The following ACADL variants were observed in gnomAD, a reference collection of about 807,000 sequenced individuals.
ACADL encodes long-chain specific acyl-CoA dehydrogenase, mitochondrial.
Under a neutral mutation model 56.9 loss-of-function variants are expected in ACADL, and 60 were observed. The ratio of observed to expected loss-of-function variants is 1.05; its 90% CI spans 0.86 to 1.31. The LOEUF (loss-of-function observed/expected upper bound fraction) is 1.31. Ranked by LOEUF, ACADL falls within the 50% of genes most tolerant of loss-of-function variation. The pLI, the probability that ACADL is intolerant of heterozygous loss-of-function variation, is 0.00. For missense variants in ACADL, 484 were observed against 525.5 expected, an observed-to-expected ratio of 0.92 and a Z score of 0.77; for synonymous variants, 158 against 179.7, an observed-to-expected ratio of 0.88 and a Z score of 0.97.
intron 5 of ACADL, among the ~76,000 whole-genome samples, chr2:210,208,169 G>A (rs985010294): frequency 2.6e-5 from 4 of 152,120 alleles, no homozygotes; most frequent in Non-Finnish European, 4.4e-5. Flanking sequence ...TCTACAGTAT[G>A]CTCTCAAATG....
rs1352334120 is a variant in ACADL at position 210,188,316 on chromosome 2, T to G, written c.*645A>C. On this transcript the variant is annotated 3_prime_UTR_variant, in exon 11 of 11. Transcript: ENST00000233710. ...TCAGCAATTGACAGAACCAAGGCAT[T>G]CCCTGGTCAGGGTTAGGCAAATACT... 6.6e-6 allele frequency: 1 copy of G among 152,372 alleles called. No individual in the cohort carries two copies. Among genetic ancestry groups the G allele is most frequent in the Non-Finnish European group, 1.5e-5 (1 of 68,160 alleles). The allele number at this position is 152,372 out of a possible 1,614,324, so 9.4% of individuals were successfully genotyped here.
At chr2:210,220,580 G>T in intron 2 of ACADL, 67 bp downstream of exon 2, 2 of 1,436,796 alleles carry the variant, frequency 1.4e-6, no homozygotes, top group Non-Finnish European at 2.0e-6. Context: ...GCAATATATG[G>T]CATTCTAGGA....
chr2:210,192,208 C>T (rs1484598350), intron 10 of ACADL, among the ~76,000 whole-genome samples: 4 of 150,558 alleles, frequency 2.7e-5, no homozygotes, highest in African/African-American at 7.3e-5. Context: ...AGTATTTGGC[C>T]GGATGCAGTG....
intron 8 of ACADL, among the ~76,000 whole-genome samples, chr2:210,199,631 A>C (rs1559634784): frequency 6.6e-6 from 1 of 152,114 alleles, no homozygotes; most frequent in Non-Finnish European, 1.5e-5. Context: ...TCTAGTATTA[A>C]GTTCATAAAC....
chr2:210,188,990 T>C lies in ACADL; in HGVS notation c.1264A>G (p.Ile422Val). 1 of 1,613,426 alleles carries C rather than the reference T, an allele frequency of 6.2e-7. No individual in the cohort carries two copies. The highest frequency in any genetic ancestry group is 8.5e-7 in the Non-Finnish European group (1 of 1,179,530). Residue 422 changes from isoleucine to valine, a missense_variant, in exon 11 of 11, where the codon ATT becomes GTT. Transcript: ENST00000233710. Reference sequence around the variant, plus strand: ...TTGTCAAAGACAATCTCTCTTGCAATCAGCTCCTTCATTATTTCATTTGTA... The same window carrying C: ...TTGTCAAAGACAATCTCTCTTGCAACCAGCTCCTTCATTATTTCATTTGTA... ...GGTNEIMKEL[I>V]AREIVFDK
chr2:210,210,431 T>A (rs1688959989), intron 4 of ACADL, among the ~76,000 whole-genome samples, 169 bp from the exon 5 acceptor site: 1 of 152,334 alleles, frequency 6.6e-6, no homozygotes, highest in South Asian at 2.1e-4. Flanking sequence ...GCTGATCTAT[T>A]ATATTCTAAA....
At position 210,204,664 on chromosome 2, in the gene ACADL, A is replaced by G; in HGVS notation, c.787T>C (p.Phe263Leu). 6.8e-6 allele frequency: 11 copies of G among 1,611,298 alleles called. No individual in the cohort carries two copies. Among genetic ancestry groups the G allele is most frequent in the Non-Finnish European group, 9.3e-6 (11 of 1,177,610 alleles). ...LKAQDTAELF[F>L]EDIRLPASAL... is the part of the protein sequence containing the mutation. ...CTAGCTGGCAACCGTATATCTTCAAAGAATAGTTCTGCGGTATCCTAAGAG... is the reference window on the plus strand; with the variant it reads ...CTAGCTGGCAACCGTATATCTTCAAGGAATAGTTCTGCGGTATCCTAAGAG... Residue 263 changes from phenylalanine (F) to leucine (L), a missense_variant, in exon 7 of 11, where the codon TTT (phenylalanine) becomes CTT (leucine). Phe to Leu is a conservative substitution (Grantham distance 22, BLOSUM62 0). Transcript: ENST00000233710.
In ACADL at chr2:210,225,235, AG is replaced by A; in HGVS notation, c.28del (p.Leu10TyrfsTer27). MAARLLRGS[L>X]RVLGGHRAPR... Reference sequence around the variant, plus strand: ...CGCACGGTGGCCGCCCAGGACGCGTAGGGACCCTCGGAGAAGGCGTGCGGCC... The same window carrying A: ...CGCACGGTGGCCGCCCAGGACGCGTAGGACCCTCGGAGAAGGCGTGCGGCC... On this transcript the variant is annotated frameshift_variant, in exon 1 of 11. Coordinates refer to ENST00000233710, the MANE Select transcript of ACADL (RefSeq NM_001608.4). LOFTEE classifies it high-confidence loss of function. The A allele has an allele frequency of 1.3e-6, 2 of 1,556,438 alleles. No individual in the cohort carries two copies.
chr2:210,208,039 A>G (rs1688917469), intron 5 of ACADL, among the ~76,000 whole-genome samples: 1 of 152,188 alleles, frequency 6.6e-6, no homozygotes, highest in Non-Finnish European at 1.5e-5. Context: ...CAAAAACCTT[A>G]TAAGTCTACC....
At chr2:210,191,750 A>C (rs1299697201) in intron 10 of ACADL, among the ~76,000 whole-genome samples, 2 of 152,158 alleles carry the variant, frequency 1.3e-5, no homozygotes, top group Non-Finnish European at 2.9e-5. Context: ...TAGCATTCTT[A>C]CTCTCAGATT....
At chr2:210,192,363 C>A (rs968166932) in intron 10 of ACADL, among the ~76,000 whole-genome samples, 3 of 151,868 alleles carry the variant, frequency 2.0e-5, no homozygotes, top group Admixed American at 6.6e-5. Context: ...ATGGCACGCA[C>A]CTGTTAATTC....
Position 210,225,301 on chromosome 2 carries a change from T to G in ACADL, c.-38A>C, listed in dbSNP as rs543229962. The G allele has an allele frequency of 8.5e-6, 13 of 1,536,338 alleles. No individual in the cohort carries two copies. The African/African-American group carries it at 1.5e-4, about 18-fold the overall frequency. On this transcript the variant is annotated 5_prime_UTR_variant, in exon 1 of 11. Transcript: ENST00000233710. ...GGGGCGGCGGGGCGACGGAGGCGACTCTGCGGCTACTCGGCGACTCGGGGC... is the reference window on the plus strand; with the variant it reads ...GGGGCGGCGGGGCGACGGAGGCGACGCTGCGGCTACTCGGCGACTCGGGGC...
At chr2:210,194,239 A>G (rs1355181164) in intron 9 of ACADL, among the ~76,000 whole-genome samples, 1 of 152,202 alleles carries the variant, frequency 6.6e-6, no homozygotes, top group African/African-American at 2.4e-5. Flanking sequence ...AAGTCTCCTC[A>G]AAAGTGCAAG....
intron 4 of ACADL, among the ~76,000 whole-genome samples, chr2:210,212,405 C>T (rs552417579): frequency 6.6e-5 from 10 of 152,026 alleles, no homozygotes; most frequent in African/African-American, 1.7e-4. Context: ...ACTGCAGTGA[C>T]GAGGCAACAA....
intron 4 of ACADL, among the ~76,000 whole-genome samples, chr2:210,213,343 T>C (rs1689020266): frequency 6.6e-6 from 1 of 151,882 alleles, no homozygotes; most frequent in African/African-American, 2.4e-5. Flanking sequence ...CTACTACAAA[T>C]ACAAAAATTA....
Position 210,208,579 on chromosome 2 carries a change from T to C in ACADL, c.603+1617A>G, listed in dbSNP as rs191360273. ...TAAATGCTTATAAAATAACAGAAAA[T>C]CATTGCAGATATTGTATAGAGAATG... On this transcript the variant is annotated intron_variant, in intron 5 of 10. Transcript: ENST00000233710. 2.2e-4 allele frequency among the ~76,000 whole-genome samples: 33 copies of C among 152,116 alleles called. No individual in the cohort carries two copies. In the East Asian group the frequency reaches 6.2e-3, roughly 28 times the overall value.
At chr2:210,190,111 T>C (rs1688608289) in intron 10 of ACADL, among the ~76,000 whole-genome samples, 1 of 152,152 alleles carries the variant, frequency 6.6e-6, no homozygotes, top group Admixed American at 6.6e-5. Context: ...GTGCCAGCTC[T>C]CTAGGAACAT....
chr2:210,215,417 A>G (rs571103853), intron 4 of ACADL, among the ~76,000 whole-genome samples: 3 of 152,202 alleles, frequency 2.0e-5, no homozygotes, highest in African/African-American at 7.2e-5. Flanking sequence ...CCTTTCCTAC[A>G]GCCTTTCCAA....
At chr2:210,217,312 A>AT (rs1323498844) in intron 3 of ACADL, among the ~76,000 whole-genome samples, 2 of 152,104 alleles carry the variant, frequency 1.3e-5, no homozygotes, top group African/African-American at 2.4e-5. Context: ...GCAGGAACAT[A>AT]TTTTTTAAAA....
Sources: allele counts gnomAD v4.1 joint callset (sites outside exome capture counted in the v4.1 genomes callset), GRCh38; gene constraint gnomAD v4.1.1; transcripts MANE v1.5; gene names NCBI Gene and HGNC (gene_info 2026-07-23, HGNC 2026-07-21).